Variants in DGKG observed in about 807,000 individuals in gnomAD.
DGKG encodes DAG kinase gamma.
Under a neutral mutation model 105.3 loss-of-function variants are expected in DGKG, and 78 were observed. The observed-to-expected ratio is 0.74, with a 90% confidence interval of 0.62 to 0.89. The LOEUF (loss-of-function observed/expected upper bound fraction) is 0.89. Among genes scored for constraint, DGKG ranks in the 40% least tolerant of loss-of-function variants. The pLI, the probability that DGKG is intolerant of heterozygous loss-of-function variation, is 0.00. For missense variants in DGKG, 958 were observed against 1,020.1 expected, an observed-to-expected ratio of 0.94 and a Z score of 0.83; for synonymous variants, 346 against 367.1, an observed-to-expected ratio of 0.94 and a Z score of 0.66.
At chr3:186,323,992 C>A (rs1336285569) in intron 1 of DGKG, among the ~76,000 whole-genome samples, 1 of 149,494 alleles carries the variant, frequency 6.7e-6, no homozygotes, top group Admixed American at 6.7e-5. Flanking sequence ...CTTGTAATCC[C>A]AGCTACTCGG....
At chr3:186,339,927 C>T (rs532328311) in intron 1 of DGKG, among the ~76,000 whole-genome samples, 3 of 152,304 alleles carry the variant, frequency 2.0e-5, no homozygotes, top group Non-Finnish European at 2.9e-5. Flanking sequence ...GCCCAAGTTT[C>T]CTCATCTGGA....
Position 186,320,276 on chromosome 3 carries a change from G to A in DGKG, c.67+117C>T, listed in dbSNP as rs112814815. 5.4e-4 allele frequency: 664 copies of A among 1,221,810 alleles called. 1 individual carries two copies. The highest frequency in any genetic ancestry group is 5.3e-3 in the Middle Eastern group (27 of 5,100). The allele number at this position is 1,221,810 out of a possible 1,614,324, so 75.7% of individuals were successfully genotyped here. A position where few individuals can be genotyped will look rare whatever the true frequency, so the allele number is the denominator to read the frequency against. On this transcript the variant is annotated intron_variant, in intron 2 of 24. Transcript: ENST00000265022. The stretch of plus-strand genomic sequence containing the variant: ...CTGTGTTTATAAGGAAATATAAGCC[G>A]TCAGGCCTGACATCATTCTTTGTGG...
intron 22 of DGKG, among the ~76,000 whole-genome samples, chr3:186,180,346 G>A (rs1358270050): frequency 1.3e-5 from 2 of 152,138 alleles, no homozygotes; most frequent in Non-Finnish European, 2.9e-5. Flanking sequence ...CCTGTGAAAA[G>A]CAAAACAGCG....
chr3:186,264,840 AG>A (rs1241689692), intron 14 of DGKG, among the ~76,000 whole-genome samples: 2 of 152,242 alleles, frequency 1.3e-5, no homozygotes, highest in Non-Finnish European at 2.9e-5. Context: ...TATACATTTA[AG>A]GATTAAGAAG....
chr3:186,255,120 T>G lies in DGKG; in HGVS notation c.1511-1938A>C, dbSNP rs373599156. Among the ~76,000 whole-genome samples the G allele has an allele frequency of 1.6e-4, 25 of 152,366 alleles. No individual in the cohort carries two copies. The East Asian group carries it at 2.7e-3, about 16-fold the overall frequency. On this transcript the variant is annotated intron_variant, in intron 17 of 24. Transcript: ENST00000265022. ...CCAGAAATGATCTCTTTGTACTCTCTTGTAATTATCTCCTTGTTTGTTCCC... is the reference window on the plus strand; with the variant it reads ...CCAGAAATGATCTCTTTGTACTCTCGTGTAATTATCTCCTTGTTTGTTCCC...
At chr3:186,208,750 ACC>A (rs1262143277) in intron 21 of DGKG, among the ~76,000 whole-genome samples, 1 of 152,192 alleles carries the variant, frequency 6.6e-6, no homozygotes, top group East Asian at 1.9e-4. Context: ...TTCTCAGCAC[ACC>A]TGCCCAGCTG....
chr3:186,259,791 A>C (rs567322825), intron 16 of DGKG, among the ~76,000 whole-genome samples: 7 of 152,162 alleles, frequency 4.6e-5, no homozygotes, highest in Non-Finnish European at 8.8e-5. Context: ...TAGGGGCCGC[A>C]TCACAGAGAC....
chr3:186,214,106 C>T (rs893596449), intron 20 of DGKG, among the ~76,000 whole-genome samples: 2 of 152,124 alleles, frequency 1.3e-5, no homozygotes, highest in Non-Finnish European at 2.9e-5. Context: ...ATAAAAGTTT[C>T]CGGAAGCCAC....
intron 3 of DGKG, among the ~76,000 whole-genome samples, chr3:186,305,486 G>A (rs753816329): frequency 6.6e-6 from 1 of 152,208 alleles, no homozygotes; most frequent in Non-Finnish European, 1.5e-5. Context: ...GGGAGGTGCA[G>A]CTTGTAATGA....
intron 20 of DGKG, among the ~76,000 whole-genome samples, chr3:186,237,243 G>A (rs547605322): frequency 6.6e-6 from 1 of 152,068 alleles, no homozygotes; most frequent in South Asian, 2.1e-4. Flanking sequence ...TAATTCCTCT[G>A]TCCTTGCCAG....
In DGKG at chr3:186,149,975, A is replaced by G. The variant is rs780261747; in HGVS notation, c.*115T>C. The stretch of plus-strand genomic sequence containing the variant: ...TGGCTTTGCTTCCACTGGTTAGAGA[A>G]GAGTGTGTATGTGTGTGTGTGTGTG... On this transcript the variant is annotated 3_prime_UTR_variant, in exon 25 of 25. Coordinates refer to ENST00000265022, the MANE Select transcript of DGKG (RefSeq NM_001346.3). 7 of 1,451,174 alleles carry G rather than the reference A, an allele frequency of 4.8e-6. No individual in the cohort carries two copies. Among genetic ancestry groups the G allele is most frequent in the African/African-American group, 1.4e-5 (1 of 69,550 alleles). 89.9% of individuals were successfully genotyped at this position (1,451,174 alleles called of 1,614,324 possible).
chr3:186,283,944 C>T (rs1257846682), intron 7 of DGKG, among the ~76,000 whole-genome samples: 1 of 152,164 alleles, frequency 6.6e-6, no homozygotes. Context: ...GTTAATGAGC[C>T]CTATCTCTGA....
chr3:186,340,002 G>A (rs1726013243), intron 1 of DGKG, among the ~76,000 whole-genome samples: 1 of 152,164 alleles, frequency 6.6e-6, no homozygotes, highest in Non-Finnish European at 1.5e-5. Context: ...GTTTCCCAGG[G>A]CCGTGCCTGG....
At chr3:186,329,636 A>C (rs901075402) in intron 1 of DGKG, among the ~76,000 whole-genome samples, 2 of 152,366 alleles carry the variant, frequency 1.3e-5, no homozygotes, top group East Asian at 3.9e-4. Context: ...AGCTACAAAG[A>C]TAAAAACCTC....
At chr3:186,158,993 T>C (rs948966994) in intron 24 of DGKG, 2 of 261,620 alleles carry the variant, frequency 7.6e-6, no homozygotes, top group Non-Finnish European at 1.2e-5. Context: ...AAATAAGATA[T>C]ATATTATATA....
intron 1 of DGKG, among the ~76,000 whole-genome samples, chr3:186,349,518 A>G (rs1726523579): frequency 6.6e-6 from 1 of 152,182 alleles, no homozygotes; most frequent in Non-Finnish European, 1.5e-5. Flanking sequence ...TATAACTTGG[A>G]GATTTTTAAG....
At chr3:186,220,450 C>T (rs1177187786) in intron 20 of DGKG, among the ~76,000 whole-genome samples, 4 of 152,174 alleles carry the variant, frequency 2.6e-5, no homozygotes, top group Non-Finnish European at 4.4e-5. Flanking sequence ...CCCCGTCTTC[C>T]AGCCCATACT....
In DGKG at chr3:186,148,111, G is replaced by C; in HGVS notation, c.*1979C>G. On this transcript the variant is annotated 3_prime_UTR_variant, in exon 25 of 25. Coordinates refer to ENST00000265022, the MANE Select transcript of DGKG (RefSeq NM_001346.3). Reference sequence around the variant, plus strand: ...GTGGAACGATATCAAGTGGGTCCAAGTTTCCACTGATAAATCTCAGAGAGG... The same window carrying C: ...GTGGAACGATATCAAGTGGGTCCAACTTTCCACTGATAAATCTCAGAGAGG... 1.0e-6 allele frequency: 1 copy of C among 985,468 alleles called. No homozygotes were observed. The highest frequency in any genetic ancestry group is 1.2e-6 in the Non-Finnish European group (1 of 829,950). 61.0% of individuals were successfully genotyped at this position (985,468 alleles called of 1,614,324 possible).
intron 2 of DGKG, among the ~76,000 whole-genome samples, chr3:186,307,495 CCAGT>C (rs1209777918): frequency 2.0e-5 from 3 of 152,218 alleles, no homozygotes; most frequent in African/African-American, 2.4e-5. Context: ...TTCCTTTGCA[CCAGT>C]CAGAGTTAAG....
Sources: gnomAD v4.1 joint callset for allele counts (sites outside exome capture counted in the v4.1 genomes callset) on GRCh38, gnomAD v4.1.1 for gene constraint, MANE v1.5 for transcripts, NCBI Gene and HGNC (gene_info 2026-07-23, HGNC 2026-07-21) for gene names.